Variants in ARHGEF11 observed in about 807,000 individuals in gnomAD.
ARHGEF11 encodes the protein Rho guanine exchange factor (GEF) 11.
Under a neutral mutation model 193.7 loss-of-function variants are expected in ARHGEF11, and 55 were observed. That is an observed-to-expected ratio of 0.28 (90% CI 0.23 to 0.36). The LOEUF (loss-of-function observed/expected upper bound fraction) is 0.36. Ranked by LOEUF, ARHGEF11 falls within the 10% of genes least tolerant of loss-of-function variation. ARHGEF11 has a pLI of 1.00. For synonymous variants in ARHGEF11, 693 were observed against 768.0 expected (o/e 0.90, Z 1.62); for missense variants, 1,723 against 2,005.6 (o/e 0.86, Z 2.69).
In ARHGEF11 at chr1:156,937,337, C is replaced by A. The variant is rs760020068; in HGVS notation, c.4352G>T (p.Ser1451Ile). The A allele has an allele frequency of 6.2e-7, 1 of 1,613,618 alleles. No individual in the cohort carries two copies. Among genetic ancestry groups the A allele is most frequent in the Non-Finnish European group, 8.5e-7 (1 of 1,179,786 alleles). Residue 1451 changes from serine to isoleucine, a missense_variant, in exon 39 of 41, where the codon AGC becomes ATC. Ser to Ile is a moderately radical substitution (Grantham distance 142). Coordinates refer to ENST00000368194, the MANE Select transcript of ARHGEF11 (RefSeq NM_198236.3). ...GAGGGCCAGGCTTGGAGGAGAGCGGCTGGGGCGTCTTGGATCATCGTTGCC... is the reference window on the plus strand; with the variant it reads ...GAGGGCCAGGCTTGGAGGAGAGCGGATGGGGCGTCTTGGATCATCGTTGCC... ...QGGNDDPRRPSRSPPSLALRD... is the reference protein window; with the variant it reads ...QGGNDDPRRPIRSPPSLALRD...
intron 37 of ARHGEF11, 127 bp from the exon 38 acceptor site, chr1:156,938,640 G>C: frequency 2.6e-6 from 2 of 757,716 alleles, no homozygotes; most frequent in Non-Finnish European, 4.4e-6. Context: ...GAAGAACAAG[G>C]TGAACACAAG....
chr1:156,979,921 T>C (rs68091809), intron 4 of ARHGEF11, among the ~76,000 whole-genome samples: 29,670 of 152,200 alleles, frequency 0.19, 3,047 homozygotes, highest in East Asian at 0.33. Flanking sequence ...CCAGTGTGCT[T>C]CCTCATTACA....
chr1:157,013,259 T>TCACA (rs567488551), intron 1 of ARHGEF11, among the ~76,000 whole-genome samples: 16,311 of 109,426 alleles, frequency 0.15, 1,656 homozygotes, highest in East Asian at 0.32. Flanking sequence ...CTCCCCACTA[T>TCACA]CACTCACACA....
intron 1 of ARHGEF11, among the ~76,000 whole-genome samples, chr1:156,987,681 G>A (rs1410605098): frequency 6.6e-6 from 1 of 152,132 alleles, no homozygotes; most frequent in Non-Finnish European, 1.5e-5. Flanking sequence ...GTGGGTCTTC[G>A]TTCCCCCTCA....
rs779946045 is a variant in ARHGEF11 at position 156,940,342 on chromosome 1, C to T, written c.3598G>A (p.Glu1200Lys). The T allele has an allele frequency of 1.2e-5, 19 of 1,613,808 alleles. 1 individual carries two copies. The South Asian group carries it at 2.0e-4, about 17-fold the overall frequency. The stretch of plus-strand genomic sequence containing the variant: ...GAAGGGCAAGGCAGGACACCCAGTT[C>T]CTCTTCCTCTGCACTGCCCTCCTGC... ...PEQEGSAEEE[E>K]LGVLPCPSTS... The change falls in exon 36 of 41, where the codon GAA (glutamate) becomes AAA (lysine). Residue 1200 changes from glutamate to lysine, a missense_variant. This residue lies in a region of ARHGEF11 where 203 missense variants were observed against 237.3 expected (regional missense o/e 0.86). Transcript: ENST00000368194.
At position 156,941,362 on chromosome 1, in the gene ARHGEF11, G is replaced by A; in HGVS notation, c.3514+10C>T. 1 of 1,613,120 alleles carries A rather than the reference G, an allele frequency of 6.2e-7. No individual in the cohort carries two copies. Among genetic ancestry groups the A allele is most frequent in the Non-Finnish European group, 8.5e-7 (1 of 1,179,396 alleles). ...GGGCTGGCTCCCACAGGACAGTTCA[G>A]GGCCCTTACCTCCAGGCAGCTCCTC... On this transcript the variant is annotated intron_variant, in intron 35 of 40. Coordinates refer to ENST00000368194, the MANE Select transcript of ARHGEF11 (RefSeq NM_198236.3).
intron 22 of ARHGEF11, among the ~76,000 whole-genome samples, chr1:156,950,664 A>AAAACAAAC (rs553238000): frequency 6.6e-6 from 1 of 151,702 alleles, no homozygotes; most frequent in Non-Finnish European, 1.5e-5. Flanking sequence ...AAAAATCCCC[A>AAAACAAAC]AAACAAACAA....
intron 1 of ARHGEF11, among the ~76,000 whole-genome samples, chr1:156,989,474 T>C (rs1479934306): frequency 6.6e-6 from 1 of 152,024 alleles, no homozygotes; most frequent in Non-Finnish European, 1.5e-5. Context: ...CTCTCCTTAT[T>C]ATCTACACAA....
chr1:156,973,051 C>CT (rs886905220), intron 7 of ARHGEF11, among the ~76,000 whole-genome samples: 4 of 151,854 alleles, frequency 2.6e-5, no homozygotes. Flanking sequence ...ACTTTTTTTT[C>CT]TTTTTTTGTA....
chr1:156,986,048 GCT>G (rs1664872586), intron 2 of ARHGEF11, 32 bp downstream of exon 2: 1 of 1,563,820 alleles, frequency 6.4e-7, no homozygotes, highest in Non-Finnish European at 8.8e-7. Context: ...ACCATGCCTG[GCT>G]GTTTTTGTAT....
At chr1:157,037,232 A>G (rs1672154773) in intron 1 of ARHGEF11, among the ~76,000 whole-genome samples, 1 of 152,202 alleles carries the variant, frequency 6.6e-6, no homozygotes, top group African/African-American at 2.4e-5. Context: ...TGTCCCCACC[A>G]TAACCGTTCT....
At chr1:156,940,185 G>T in intron 36 of ARHGEF11, 22 bp downstream of exon 36, 1 of 1,548,794 alleles carries the variant, frequency 6.5e-7, no homozygotes, top group Non-Finnish European at 8.7e-7. Context: ...AGGGGCTGAC[G>T]GCAGGGCCTT....
rs1486793329 is a variant in ARHGEF11 at position 156,942,007 on chromosome 1, C to T, written c.3327-18G>A. 1 of 1,614,040 alleles carries T rather than the reference C, an allele frequency of 6.2e-7. No individual in the cohort carries two copies. Among genetic ancestry groups the T allele is most frequent in the Non-Finnish European group, 8.5e-7 (1 of 1,179,998 alleles). On this transcript the variant is annotated intron_variant, in intron 33 of 40. Coordinates refer to ENST00000368194, the MANE Select transcript of ARHGEF11 (RefSeq NM_198236.3). ...CCATCCATCTGTTGCTCGGCAGGAA[C>T]AGAGAGGACTGTAGTGAGAGCAAGA...
chr1:157,017,433 C>T (rs1348882269), intron 1 of ARHGEF11, among the ~76,000 whole-genome samples: 1 of 152,130 alleles, frequency 6.6e-6, no homozygotes, highest in African/African-American at 2.4e-5. Flanking sequence ...GAAGGCCGGG[C>T]GCAGTGGCTC....
intron 1 of ARHGEF11, among the ~76,000 whole-genome samples, chr1:157,016,622 T>C (rs1193254339): frequency 6.6e-6 from 1 of 152,206 alleles, no homozygotes; most frequent in African/African-American, 2.4e-5. Flanking sequence ...TTTTTAAGCG[T>C]TTTCATCTTT....
rs1226759700 is a variant in ARHGEF11 at position 156,954,903 on chromosome 1, G to C, written c.1787C>G (p.Ser596Cys). The C allele has an allele frequency of 3.1e-6, 5 of 1,609,228 alleles. No homozygotes were observed. The highest frequency in any genetic ancestry group is 3.4e-6 in the Non-Finnish European group (4 of 1,178,336). ...SSQSTFHIPL[S>C]PVEVKPGNVR... ...AATGGTCCTTTTACCTTCCACAGGGGACAAGGGAATATGAAATGCTAAAAG... is the reference window on the plus strand; with the variant it reads ...AATGGTCCTTTTACCTTCCACAGGGCACAAGGGAATATGAAATGCTAAAAG... Residue 596 changes from serine (S) to cysteine (C), a missense_variant, in exon 21 of 41, where the codon TCC becomes TGC. Ser to Cys is a moderately radical substitution (Grantham distance 112). Coordinates refer to ENST00000368194, the MANE Select transcript of ARHGEF11 (RefSeq NM_198236.3).
At chr1:157,030,230 C>A (rs111613904) in intron 1 of ARHGEF11, among the ~76,000 whole-genome samples, 19 of 152,052 alleles carry the variant, frequency 1.2e-4, no homozygotes, top group Non-Finnish European at 2.9e-5. Flanking sequence ...CTACACAGTC[C>A]CAGGCACCAT....
chr1:156,947,989 G>A (rs558808755), intron 24 of ARHGEF11, 33 bp from the exon 25 acceptor site: 1 of 1,605,884 alleles, frequency 6.2e-7, no homozygotes, highest in Non-Finnish European at 8.5e-7. Context: ...GCTTCATTTA[G>A]GAGGAAGAAC....
chr1:156,939,505 C>T (rs781169434), intron 37 of ARHGEF11, 43 bp downstream of exon 37: 1 of 1,602,752 alleles, frequency 6.2e-7, no homozygotes, highest in Non-Finnish European at 8.5e-7. Flanking sequence ...TCTCACCTAG[C>T]AAGGGTGCTT....
Sources: allele counts gnomAD v4.1 joint callset (sites outside exome capture counted in the v4.1 genomes callset), GRCh38; gene constraint gnomAD v4.1.1; regional missense constraint gnomAD v4.1.1; transcripts MANE v1.5; gene names NCBI Gene and HGNC (gene_info 2026-07-23, HGNC 2026-07-21).